The following CTTNBP2NL variants were observed in gnomAD, a reference collection of about 807,000 sequenced individuals.
CTTNBP2NL encodes CTTNBP2 N-terminal-like protein.
A neutral mutation model predicts 32.5 loss-of-function variants in CTTNBP2NL; 16 were observed. That is an observed-to-expected ratio of 0.49 (90% CI 0.33 to 0.75). The LOEUF (loss-of-function observed/expected upper bound fraction) is 0.75. Among genes scored for constraint, CTTNBP2NL ranks in the 30% least tolerant of loss-of-function variants. The probability of loss-of-function intolerance (pLI) is 0.02; values close to 1 mark genes in which losing one functional copy is unlikely to be tolerated. For synonymous variants in CTTNBP2NL, 298 were observed against 289.4 expected (o/e 1.03, Z -0.30); for missense variants, 645 against 756.0 (o/e 0.85, Z 1.72).
Position 112,457,468 on chromosome 1 carries a change from A to G in CTTNBP2NL, c.*56A>G. Reference sequence around the variant, plus strand: ...TCCATCAGATTTCGTCCAAAAGCTCAGTCAGACTTCTGAGTCAGATTATGT... The same window carrying G: ...TCCATCAGATTTCGTCCAAAAGCTCGGTCAGACTTCTGAGTCAGATTATGT... On this transcript the variant is annotated 3_prime_UTR_variant, in exon 6 of 6. Coordinates refer to ENST00000271277, the MANE Select transcript of CTTNBP2NL (RefSeq NM_018704.3). 1 of 1,439,124 alleles carries G rather than the reference A, an allele frequency of 6.9e-7. No individual in the cohort carries two copies. The highest frequency in any genetic ancestry group is 9.5e-7 in the Non-Finnish European group (1 of 1,051,796). 89.1% of individuals were successfully genotyped at this position (1,439,124 alleles called of 1,614,324 possible).
At chr1:112,397,891 C>T (rs1259285855) in intron 1 of CTTNBP2NL, among the ~76,000 whole-genome samples, 1 of 152,132 alleles carries the variant, frequency 6.6e-6, no homozygotes, top group Non-Finnish European at 1.5e-5. Context: ...AGGTAGACTT[C>T]CTAAAGATAA....
rs1557891123 is a variant in CTTNBP2NL at position 112,428,677 on chromosome 1, G to A, written c.99+12413G>A. Reference sequence around the variant, plus strand: ...AGGATACATATACACACCCATATACGTATATTAACTAAAACCAAAATTTCA... The same window carrying A: ...AGGATACATATACACACCCATATACATATATTAACTAAAACCAAAATTTCA... On this transcript the variant is annotated intron_variant, in intron 3 of 5. Coordinates refer to ENST00000271277, the MANE Select transcript of CTTNBP2NL (RefSeq NM_018704.3). 3.3e-5 allele frequency among the ~76,000 whole-genome samples: 5 copies of A among 152,062 alleles called. No homozygotes were observed. The East Asian group carries it at 5.8e-4, about 18-fold the overall frequency.
Position 112,456,695 on chromosome 1 carries a change from A to T in CTTNBP2NL, c.1203A>T (p.Pro401=), listed in dbSNP as rs1445670597. The T allele has an allele frequency of 3.0e-5, 49 of 1,613,962 alleles. No individual in the cohort carries two copies. The highest frequency in any genetic ancestry group is 4.1e-5 in the Non-Finnish European group (48 of 1,180,030). ...CTGTGGGGATTGAGACTCCAGTCCCAATGCCCAGTCCCCTCTCTTCCAGTG... is the reference window on the plus strand; with the variant it reads ...CTGTGGGGATTGAGACTCCAGTCCCTATGCCCAGTCCCCTCTCTTCCAGTG... ...GCPVGIETPV[P]MPSPLSSSGS... is the part of the protein sequence containing the mutation. The change falls in exon 6 of 6, where the codon CCA becomes CCT. Residue 401 remains proline (P), a synonymous_variant. Coordinates refer to ENST00000271277, the MANE Select transcript of CTTNBP2NL (RefSeq NM_018704.3).
At chr1:112,442,700 T>C (rs1016873415) in intron 3 of CTTNBP2NL, among the ~76,000 whole-genome samples, 2 of 152,176 alleles carry the variant, frequency 1.3e-5, no homozygotes, top group African/African-American at 4.8e-5. Context: ...TATTCTTTTT[T>C]TTTTTCTTTT....
intron 3 of CTTNBP2NL, among the ~76,000 whole-genome samples, chr1:112,445,697 A>G (rs999717841): frequency 1.3e-5 from 2 of 152,236 alleles, no homozygotes; most frequent in African/African-American, 2.4e-5. Context: ...ATGAAGTACT[A>G]CAGGAGAAAG....
intron 3 of CTTNBP2NL, among the ~76,000 whole-genome samples, chr1:112,430,164 T>G (rs1249002768): frequency 6.7e-6 from 1 of 149,420 alleles, no homozygotes; most frequent in East Asian, 2.0e-4. Context: ...AGCTAGCTCT[T>G]TTCTTTCTTT....
chr1:112,429,340 A>G (rs1024362842), intron 3 of CTTNBP2NL, among the ~76,000 whole-genome samples: 4 of 152,218 alleles, frequency 2.6e-5, no homozygotes, highest in Non-Finnish European at 5.9e-5. Context: ...GAGTTTGGCA[A>G]TATCTATCAA....
In CTTNBP2NL at chr1:112,458,976, C is replaced by G. The variant is rs1485550641; in HGVS notation, c.*1564C>G. The G allele has an allele frequency of 6.6e-6, 1 of 152,218 alleles. No homozygotes were observed. The highest frequency in any genetic ancestry group is 1.5e-5 in the Non-Finnish European group (1 of 68,044). The allele number at this position is 152,218 out of a possible 1,614,324, so 9.4% of individuals were successfully genotyped here. ...GCCGCATTTAAAAAGGGCATCTGTT[C>G]AGCTCCATCTGCTTGCTGCGGTGCA... On this transcript the variant is annotated 3_prime_UTR_variant, in exon 6 of 6. Coordinates refer to ENST00000271277, the MANE Select transcript of CTTNBP2NL (RefSeq NM_018704.3).
upstream of CTTNBP2NL, among the ~76,000 whole-genome samples, chr1:112,392,919 G>A (rs757299666): frequency 1.4e-4 from 22 of 151,906 alleles, no homozygotes; most frequent in East Asian, 3.9e-4. Flanking sequence ...GTGCAGTGGC[G>A]CGATCTCGGC....
chr1:112,405,281 G>A (rs1570714341), intron 1 of CTTNBP2NL, among the ~76,000 whole-genome samples: 1 of 152,256 alleles, frequency 6.6e-6, no homozygotes, highest in South Asian at 2.1e-4. Context: ...GGTGTAAACA[G>A]ATATCCAGGT....
Position 112,455,743 on chromosome 1 carries a change from C to T in CTTNBP2NL, c.439-188C>T, listed in dbSNP as rs116064823. On this transcript the variant is annotated intron_variant, in intron 5 of 5. Transcript: ENST00000271277. ...ACAGTATGGGAACTAGAAGTGCCTC[C>T]CAAATCATCAAAGAAAGATTAAATC... is the stretch of plus-strand genomic sequence containing the variant. 5.3e-3 allele frequency among the ~76,000 whole-genome samples: 802 copies of T among 152,260 alleles called. 9 individuals carry two copies. Among genetic ancestry groups the T allele is most frequent in the African/African-American group, 0.018 (749 of 41,552 alleles).
chr1:112,411,571 C>CT (rs1648867097), intron 1 of CTTNBP2NL, among the ~76,000 whole-genome samples: 1 of 152,062 alleles, frequency 6.6e-6, no homozygotes, highest in African/African-American at 2.4e-5. Flanking sequence ...CCTTTATAGA[C>CT]AAAGTCGAGA....
At chr1:112,427,400 A>C (rs1045397088) in intron 3 of CTTNBP2NL, among the ~76,000 whole-genome samples, 2 of 152,162 alleles carry the variant, frequency 1.3e-5, no homozygotes, top group Non-Finnish European at 2.9e-5. Flanking sequence ...TCTCCGTTTT[A>C]CTTTTGGGTA....
chr1:112,397,049 C>T (rs1255525718), intron 1 of CTTNBP2NL, among the ~76,000 whole-genome samples: 1 of 152,190 alleles, frequency 6.6e-6, no homozygotes, highest in Admixed American at 6.5e-5. Flanking sequence ...TCCTTTTCCA[C>T]CCTATTTCCT....
chr1:112,403,128 C>T (rs1648554100), intron 1 of CTTNBP2NL, among the ~76,000 whole-genome samples: 1 of 152,178 alleles, frequency 6.6e-6, no homozygotes, highest in Non-Finnish European at 1.5e-5. Flanking sequence ...TTGTCAGTCT[C>T]TTCCATTCTT....
At chr1:112,442,110 A>G (rs1417054696) in intron 3 of CTTNBP2NL, among the ~76,000 whole-genome samples, 1 of 152,126 alleles carries the variant, frequency 6.6e-6, no homozygotes, top group Non-Finnish European at 1.5e-5. Flanking sequence ...GCTCTAAAAA[A>G]TAATGTTTTT....
chr1:112,456,946 G>A lies in CTTNBP2NL; in HGVS notation c.1454G>A (p.Arg485Lys). The change falls in exon 6 of 6, where the codon AGG becomes AAG. Residue 485 changes from arginine (R) to lysine (K), a missense_variant. Coordinates refer to ENST00000271277, the MANE Select transcript of CTTNBP2NL (RefSeq NM_018704.3). ...QASGLQSPPS[R>K]DLSPTLIDNS... ...AGTGGCCTACAGAGCCCTCCATCCA[G>A]GGATTTATCCCCCACCCTCATAGAC... The A allele has an allele frequency of 6.2e-7, 1 of 1,614,052 alleles. No homozygotes were observed. Among genetic ancestry groups the A allele is most frequent in the South Asian group, 1.1e-5 (1 of 91,078 alleles).
intron 1 of CTTNBP2NL, among the ~76,000 whole-genome samples, chr1:112,397,971 T>G (rs578143962): frequency 1.3e-5 from 2 of 152,344 alleles, no homozygotes; most frequent in East Asian, 3.9e-4. Context: ...CAGTGATTGT[T>G]TCCAAATCTC....
intron 1 of CTTNBP2NL, among the ~76,000 whole-genome samples, chr1:112,401,690 T>G (rs1012478020): frequency 5.3e-5 from 8 of 151,500 alleles, no homozygotes; most frequent in Non-Finnish European, 1.0e-4. Context: ...TGAGTAGAGG[T>G]GGGGGAACAT....
Sources: allele counts gnomAD v4.1 joint callset (sites outside exome capture counted in the v4.1 genomes callset), GRCh38; gene constraint gnomAD v4.1.1; transcripts MANE v1.5; gene names NCBI Gene and HGNC (gene_info 2026-07-23, HGNC 2026-07-21).